The following ERC1 variants were observed in gnomAD, a reference collection of about 807,000 sequenced individuals.
ERC1 encodes the protein RAB6 interacting protein 2.
In ERC1, 56 loss-of-function variants were observed where a neutral mutation model predicts 132.0. That is an observed-to-expected ratio of 0.42 (90% CI 0.34 to 0.53). The LOEUF is 0.53. Ranked by LOEUF, ERC1 falls within the 20% of genes least tolerant of loss-of-function variation. The pLI is 0.03. For missense variants in ERC1, 1,202 were observed against 1,349.9 expected, an observed-to-expected ratio of 0.89 and a Z score of 1.72; for synonymous variants, 478 against 476.1, an observed-to-expected ratio of 1.00 and a Z score of -0.05.
At chr12:1,427,630 T>A (rs1445776659) in intron 17 of ERC1, among the ~76,000 whole-genome samples, 1 of 152,264 alleles carries the variant, frequency 6.6e-6, no homozygotes, top group South Asian at 2.1e-4. Flanking sequence ...TGATAAAGAG[T>A]GTCTTTGCCC....
intron 18 of ERC1, among the ~76,000 whole-genome samples, chr12:1,470,529 C>G (rs928652324): frequency 1.3e-5 from 2 of 151,848 alleles, no homozygotes; most frequent in Admixed American, 6.6e-5. Flanking sequence ...GGCGGACTAG[C>G]TAACCTGGCT....
chr12:1,237,447 C>T (rs567209259), intron 13 of ERC1, among the ~76,000 whole-genome samples: 54 of 152,242 alleles, frequency 3.5e-4, no homozygotes, highest in Admixed American at 1.2e-3. Context: ...GATGCCTAAA[C>T]CTAATTATTC....
intron 15 of ERC1, among the ~76,000 whole-genome samples, chr12:1,333,108 C>A (rs994595004): frequency 7.5e-6 from 1 of 132,900 alleles, no homozygotes; most frequent in Non-Finnish European, 1.6e-5. Flanking sequence ...CTCTCACCCC[C>A]CCTCCTCCAT....
Position 1,154,213 on chromosome 12 carries a change from G to GTATGTGTATGTATATGTATATGTA in ERC1, c.1737+12431_1737+12432insGTATGTATATGTATATGTATATGT, listed in dbSNP as rs1195346483. On this transcript the variant is annotated intron_variant, in intron 8 of 18. Transcript: ENST00000360905. ...GAGTAGTATTCCATGGTGTGTGTGT[G>GTATGTGTATGTATATGTATATGTA]TATGTATATGTATATGTATATGTAT... Among the ~76,000 whole-genome samples, 131 of 142,980 alleles carry GTATGTGTATGTATATGTATATGTA rather than the reference G, an allele frequency of 9.2e-4. 1 individual carries two copies. Among genetic ancestry groups the GTATGTGTATGTATATGTATATGTA allele is most frequent in the African/African-American group, 3.2e-3 (122 of 38,210 alleles). The allele number at this position is 142,980 out of a possible 152,430, so 93.8% of individuals were successfully genotyped here.
intron 8 of ERC1, among the ~76,000 whole-genome samples, chr12:1,180,272 TGTGTGTGTGTGCGCGCACGC>T (rs1566162547): frequency 4.7e-5 from 7 of 148,110 alleles, no homozygotes; most frequent in African/African-American, 1.8e-4. Flanking sequence ...TGTGTGTGTG[TGTGTGTGTGTGCGCGCACGC>T]GTGTGCGCGC....
intron 16 of ERC1, among the ~76,000 whole-genome samples, chr12:1,406,467 C>T (rs762445669): frequency 2.0e-5 from 3 of 151,944 alleles, no homozygotes; most frequent in Admixed American, 1.3e-4. Context: ...TTTAAAATAT[C>T]CTAGTGTAGC....
In ERC1 at chr12:1,110,344, T is replaced by C. The variant is rs747520518; in HGVS notation, c.1314T>C (p.Asn438=). 6.2e-7 allele frequency: 1 copy of C among 1,601,692 alleles called. No homozygotes were observed. Among genetic ancestry groups the C allele is most frequent in the Non-Finnish European group, 8.5e-7 (1 of 1,175,630 alleles). Residue 438 remains asparagine, a synonymous_variant, in exon 5 of 19, where the codon AAT becomes AAC. Coordinates refer to ENST00000360905, the MANE Select transcript of ERC1 (RefSeq NM_178040.4). ...VYRSHSKFMK[N]KVEQLKEELS... is the part of the protein sequence containing the mutation. ...GGAGCCATTCTAAATTTATGAAAAA[T>C]AAGGTAATGGCATGTGAGACTTTTG...
chr12:1,460,937 T>C (rs1194995868), intron 18 of ERC1, among the ~76,000 whole-genome samples: 3 of 141,296 alleles, frequency 2.1e-5, no homozygotes, highest in Admixed American at 7.3e-5. Context: ...GATAAAGACT[T>C]GCCTAAACGA....
intron 2 of ERC1, among the ~76,000 whole-genome samples, chr12:1,052,338 C>T (rs980777902): frequency 2.6e-5 from 4 of 152,122 alleles, no homozygotes; most frequent in East Asian, 1.9e-4. Flanking sequence ...AAAATAATTA[C>T]GTAAACACAA....
chr12:1,244,268 G>A (rs1397313933), intron 13 of ERC1, among the ~76,000 whole-genome samples: 3 of 152,142 alleles, frequency 2.0e-5, no homozygotes. Flanking sequence ...TCATAGAATA[G>A]TAGAATAGCA....
intron 15 of ERC1, among the ~76,000 whole-genome samples, chr12:1,331,670 G>C (rs2082873892): frequency 1.3e-5 from 2 of 152,116 alleles, no homozygotes; most frequent in African/African-American, 4.8e-5. Context: ...TGCAGTTCCT[G>C]GTGTTAAGCG....
At chr12:1,473,602 C>T (rs1308314161) in intron 18 of ERC1, among the ~76,000 whole-genome samples, 2 of 143,230 alleles carry the variant, frequency 1.4e-5, no homozygotes, top group Non-Finnish European at 3.0e-5. Flanking sequence ...CGCACTCCAG[C>T]CTGGGGGACA....
chr12:1,360,066 C>T (rs1417665771), intron 15 of ERC1, among the ~76,000 whole-genome samples: 1 of 152,080 alleles, frequency 6.6e-6, no homozygotes, highest in East Asian at 1.9e-4. Flanking sequence ...ATTGTCGTAA[C>T]TAGGTACTCC....
intron 18 of ERC1, among the ~76,000 whole-genome samples, chr12:1,489,790 A>G (rs1374743381): frequency 6.6e-6 from 1 of 152,100 alleles, no homozygotes; most frequent in Non-Finnish European, 1.5e-5. Context: ...TCCTGCTCTC[A>G]TGCACGTTCA....
intron 2 of ERC1, among the ~76,000 whole-genome samples, chr12:1,039,850 T>C (rs1449559569): frequency 1.3e-5 from 2 of 152,200 alleles, no homozygotes; most frequent in African/African-American, 4.8e-5. Flanking sequence ...CCTCTGCTTA[T>C]GGGAGTAAGA....
At chr12:1,409,437 CAG>C (rs2091712223) in intron 17 of ERC1, among the ~76,000 whole-genome samples, 1 of 152,050 alleles carries the variant, frequency 6.6e-6, no homozygotes, top group Admixed American at 6.6e-5. Context: ...AAGAGACAAA[CAG>C]AGAAAGGTTG....
chr12:1,218,203 C>A (rs968026253), intron 12 of ERC1, among the ~76,000 whole-genome samples: 5 of 152,194 alleles, frequency 3.3e-5, no homozygotes, highest in Non-Finnish European at 5.9e-5. Flanking sequence ...AGCCTACTTG[C>A]ATCTATACCT....
chr12:1,414,595 T>C (rs1438427588), intron 17 of ERC1, among the ~76,000 whole-genome samples: 1 of 151,824 alleles, frequency 6.6e-6, no homozygotes, highest in South Asian at 2.1e-4. Flanking sequence ...CAACAGGGAG[T>C]TCCAGAGCAA....
At chr12:1,460,981 T>TTTTTTTTTTTTTTTC (rs61029874) in intron 18 of ERC1, among the ~76,000 whole-genome samples, 2 of 137,784 alleles carry the variant, frequency 1.5e-5, no homozygotes, top group African/African-American at 5.8e-5. Flanking sequence ...TTTTTTTTTT[T>TTTTTTTTTTTTTTTC]CATTTTTCTA....
Sources: gnomAD v4.1 joint callset for allele counts (sites outside exome capture counted in the v4.1 genomes callset) on GRCh38, gnomAD v4.1.1 for gene constraint, MANE v1.5 for transcripts, NCBI Gene and HGNC (gene_info 2026-07-23, HGNC 2026-07-21) for gene names.